Variants in XDH observed in about 807,000 individuals in gnomAD.
XDH encodes xanthine dehydrogenase/oxidase.
In XDH, 138 loss-of-function variants were observed where a neutral mutation model predicts 156.1. The ratio of observed to expected loss-of-function variants is 0.88; its 90% CI spans 0.77 to 1.02. The LOEUF (loss-of-function observed/expected upper bound fraction) is 1.02. Among genes scored for constraint, XDH ranks in the 50% least tolerant of loss-of-function variants. The pLI is 0.00. For synonymous variants in XDH, 669 were observed against 625.7 expected (o/e 1.07, Z -1.03); for missense variants, 1,849 against 1,684.9 (o/e 1.10, Z -1.71).
chr2:31,340,563 A>G (rs767999936), intron 33 of XDH, among the ~76,000 whole-genome samples: 6 of 151,994 alleles, frequency 3.9e-5, no homozygotes, highest in Non-Finnish European at 7.4e-5. Context: ...TCCACCTCCC[A>G]GGTTCAAGCA....
intron 24 of XDH, among the ~76,000 whole-genome samples, chr2:31,352,018 A>T (rs1685493833): frequency 6.6e-6 from 1 of 152,194 alleles, no homozygotes. Flanking sequence ...GGCTGTTTTA[A>T]TCCCAAAGTG....
chr2:31,362,630 T>C (rs1438947151), intron 24 of XDH, among the ~76,000 whole-genome samples: 2 of 152,240 alleles, frequency 1.3e-5, no homozygotes, highest in Non-Finnish European at 2.9e-5. Flanking sequence ...TCAGCTCATC[T>C]TGACATAGGT....
chr2:31,383,516 A>T (rs45509900), intron 10 of XDH, among the ~76,000 whole-genome samples: 2,129 of 150,940 alleles, frequency 0.014, 49 homozygotes, highest in African/African-American at 0.048. Flanking sequence ...TCTAATGTGT[A>T]GCCAGAATTG....
intron 4 of XDH, among the ~76,000 whole-genome samples, chr2:31,399,359 G>A (rs1430094012): frequency 1.2e-4 from 19 of 152,298 alleles, no homozygotes; most frequent in Non-Finnish European, 1.0e-4. Flanking sequence ...TCAGGGCACT[G>A]CAGCAATTAG....
Position 31,401,235 on chromosome 2 carries a change from C to CCTCGTCTT in XDH, c.283_290dup (p.Leu98ArgfsTer28). The CCTCGTCTT allele has an allele frequency of 6.2e-7, 1 of 1,614,166 alleles. No individual in the cohort carries two copies. The highest frequency in any genetic ancestry group is 8.5e-7 in the Non-Finnish European group (1 of 1,180,024). On this transcript the variant is annotated frameshift_variant, in exon 4 of 36. Coordinates refer to ENST00000379416, the MANE Select transcript of XDH (RefSeq NM_000379.4). LOFTEE classifies it high-confidence loss of function. ...CTCTGTTTACCTGCACAGGATGCAG[C>CCTCGTCTT]CTCGTCTTGGTGCTTCCTATTCCTT...
At chr2:31,348,417 A>C in intron 27 of XDH, 54 bp from the exon 28 acceptor site, 1 of 1,564,432 alleles carries the variant, frequency 6.4e-7, no homozygotes, top group Non-Finnish European at 8.8e-7. Flanking sequence ...CAACTCATTA[A>C]GGTTTGGGAC....
Position 31,335,948 on chromosome 2 carries a change from G to C in XDH, c.*10C>G. 6.2e-7 allele frequency: 1 copy of C among 1,614,128 alleles called. No homozygotes were observed. The highest frequency in any genetic ancestry group is 1.1e-5 in the South Asian group (1 of 91,076). On this transcript the variant is annotated 3_prime_UTR_variant, in exon 36 of 36. Coordinates refer to ENST00000379416, the MANE Select transcript of XDH (RefSeq NM_000379.4). ...GGCAGCACAAGAAGACTCTGCTGAG[G>C]ACTCTCTCTTTAGACCCTCACAGAC...
chr2:31,377,261 T>G, intron 13 of XDH, 24 bp from the exon 14 acceptor site: 1 of 1,613,586 alleles, frequency 6.2e-7, no homozygotes. Flanking sequence ...GGAAGGTGCC[T>G]GTTTTCCACC....
In XDH at chr2:31,365,853, TGTGAGA is replaced by T. The variant is rs1685901507; in HGVS notation, c.2456+117_2456+122del. On this transcript the variant is annotated intron_variant, in intron 22 of 35. Transcript: ENST00000379416. ...CCCAAGGGTTCTAAAAACAGAGGGC[TGTGAGA>T]ATTCAAAGCAGGGGGAAACTAATTC... is the stretch of plus-strand genomic sequence containing the variant. 6.0e-5 allele frequency: 90 copies of T among 1,506,508 alleles called. 1 individual carries two copies. The South Asian group carries it at 1.0e-3, about 18-fold the overall frequency. 93.3% of individuals were successfully genotyped at this position (1,506,508 alleles called of 1,614,324 possible).
chr2:31,341,197 A>G (rs1685114680), intron 33 of XDH, 132 bp downstream of exon 33: 3 of 942,196 alleles, frequency 3.2e-6, no homozygotes, highest in Non-Finnish European at 5.1e-6. Context: ...TTTGGGGGAA[A>G]CTCCCTAGGT....
intron 17 of XDH, among the ~76,000 whole-genome samples, chr2:31,370,781 C>T (rs1686050463): frequency 6.6e-6 from 1 of 152,200 alleles, no homozygotes; most frequent in African/African-American, 2.4e-5. Flanking sequence ...GGGAGGATCA[C>T]TTGAGCCCAG....
Position 31,414,595 on chromosome 2 carries a change from A to G in XDH, c.42+30T>C, listed in dbSNP as rs1338387301. The G allele has an allele frequency of 1.9e-6, 3 of 1,613,950 alleles. No homozygotes were observed. The Admixed American group carries it at 5.0e-5, about 27-fold the overall frequency. ...ACATTTCCCCTCCCAGGGAGAAGGG[A>G]CACAAAACCAAAGGTCAGCTCCTAC... On this transcript the variant is annotated intron_variant, in intron 1 of 35. Coordinates refer to ENST00000379416, the MANE Select transcript of XDH (RefSeq NM_000379.4).
chr2:31,342,044 T>G, intron 32 of XDH, 139 bp downstream of exon 32: 2 of 758,950 alleles, frequency 2.6e-6, no homozygotes. Context: ...CTGTGGCCCT[T>G]TATAGGATGT....
chr2:31,340,293 T>G (rs1020697368), intron 33 of XDH, among the ~76,000 whole-genome samples: 2 of 152,186 alleles, frequency 1.3e-5, no homozygotes, highest in African/African-American at 4.8e-5. Context: ...CTGGCCACAG[T>G]AGGGGACCAT....
At chr2:31,401,438 C>T in intron 3 of XDH, 110 bp from the exon 4 acceptor site, 1 of 1,117,648 alleles carries the variant, frequency 8.9e-7, no homozygotes, top group South Asian at 1.3e-5. Context: ...CGTCTCTCCG[C>T]TCCCATTTAT....
rs1162451715 is a variant in XDH at position 31,372,663 on chromosome 2, C to CCCCATATAA, written c.1687-275_1687-267dup. Reference sequence around the variant, plus strand: ...GGGATTGGGTAAATAAATTATGCAGCCCCATATAACACAATAGTATGCAAC... The same window carrying CCCCATATAA: ...GGGATTGGGTAAATAAATTATGCAGCCCCATATAACCCATATAACACAATAGTATGCAAC... On this transcript the variant is annotated intron_variant, in intron 16 of 35. Coordinates refer to ENST00000379416, the MANE Select transcript of XDH (RefSeq NM_000379.4). Among the ~76,000 whole-genome samples the CCCCATATAA allele has an allele frequency of 1.2e-4, 19 of 152,248 alleles. 1 individual carries two copies. The highest frequency in any genetic ancestry group is 6.8e-3 in the Middle Eastern group (2 of 294).
In XDH at chr2:31,397,743, A is replaced by C. The variant is rs772950117; in HGVS notation, c.434-14T>G. ...GGCACAGATTTCCTGTGGGCCAAGG[A>C]AAAAACTGCAATGTCAGTGCAGGGC... is the stretch of plus-strand genomic sequence containing the variant. On this transcript the variant is annotated splice_polypyrimidine_tract_variant and intron_variant, in intron 5 of 35. Transcript: ENST00000379416. 50 of 1,614,038 alleles carry C rather than the reference A, an allele frequency of 3.1e-5. No homozygotes were observed. Among genetic ancestry groups the C allele is most frequent in the Admixed American group, 1.3e-4 (8 of 60,006 alleles).
intron 14 of XDH, 149 bp downstream of exon 14, chr2:31,376,904 G>A: frequency 1.0e-6 from 1 of 1,000,644 alleles, no homozygotes; most frequent in African/African-American, 1.6e-5. Flanking sequence ...AAGTAGAAGT[G>A]GTAGCAGTAG....
At chr2:31,346,377 A>G (rs1685292273) in intron 30 of XDH, among the ~76,000 whole-genome samples, 1 of 152,186 alleles carries the variant, frequency 6.6e-6, no homozygotes, top group Non-Finnish European at 1.5e-5. Flanking sequence ...CTCAGACTCA[A>G]GAGATGGAGA....
Sources: allele counts gnomAD v4.1 joint callset (sites outside exome capture counted in the v4.1 genomes callset), GRCh38; gene constraint gnomAD v4.1.1; transcripts MANE v1.5; gene names NCBI Gene and HGNC (gene_info 2026-07-23, HGNC 2026-07-21).